Variants in DGKG observed in about 807,000 individuals in gnomAD.
The protein encoded by DGKG is DAG kinase gamma.
In DGKG, 78 loss-of-function variants were observed where a neutral mutation model predicts 105.3. That is an observed-to-expected ratio of 0.74 (90% confidence interval 0.62 to 0.89). The LOEUF (loss-of-function observed/expected upper bound fraction) is 0.89, where lower values mean the gene tolerates loss of function less well. Among genes scored for constraint, DGKG ranks in the 40% least tolerant of loss-of-function variants. The pLI, the probability that DGKG is intolerant of heterozygous loss-of-function variation, is 0.00. For missense variants in DGKG, 958 were observed against 1,020.1 expected (o/e 0.94, Z 0.83); for synonymous variants, 346 against 367.1 (o/e 0.94, Z 0.66).
At chr3:186,177,189 C>T (rs1717124188) in intron 22 of DGKG, among the ~76,000 whole-genome samples, 1 of 152,200 alleles carries the variant, frequency 6.6e-6, no homozygotes, top group African/African-American at 2.4e-5. Context: ...CTGCACATGA[C>T]TCTCAGATCC....
At chr3:186,308,221 T>C (rs1724349430) in intron 2 of DGKG, among the ~76,000 whole-genome samples, 1 of 152,218 alleles carries the variant, frequency 6.6e-6, no homozygotes, top group South Asian at 2.1e-4. Context: ...CAAGACTGGC[T>C]GCTTCTTTTT....
chr3:186,172,650 G>A (rs919540482), intron 22 of DGKG, among the ~76,000 whole-genome samples: 7 of 152,224 alleles, frequency 4.6e-5, no homozygotes, highest in Non-Finnish European at 1.0e-4. Flanking sequence ...GGAGGGGTAT[G>A]CATCTGATTC....
At position 186,345,192 on chromosome 3, in the gene DGKG, T is replaced by C. The variant is rs1265196277; in HGVS notation, c.-249+16754A>G. Among the ~76,000 whole-genome samples the C allele has an allele frequency of 4.6e-5, 7 of 152,224 alleles. No homozygotes were observed. In the South Asian group the frequency reaches 1.0e-3, roughly 23 times the overall value. ...ATTTGTCATGAATTGCATTGTCTTA[T>C]ATCAATAAAATGACTTCTGCTTTAG... On this transcript the variant is annotated intron_variant, in intron 1 of 24. Transcript: ENST00000265022.
intron 22 of DGKG, among the ~76,000 whole-genome samples, chr3:186,175,821 G>T (rs549644411): frequency 6.6e-6 from 1 of 152,318 alleles, no homozygotes; most frequent in Admixed American, 6.5e-5. Flanking sequence ...CAGAATGGGA[G>T]AAAAATGTTG....
At chr3:186,229,394 G>A (rs754731886) in intron 20 of DGKG, among the ~76,000 whole-genome samples, 2 of 151,978 alleles carry the variant, frequency 1.3e-5, no homozygotes, top group African/African-American at 4.8e-5. Context: ...GTGCCCACCC[G>A]CCACCATGCC....
intron 3 of DGKG, among the ~76,000 whole-genome samples, chr3:186,300,492 T>C (rs1027174438): frequency 1.3e-5 from 2 of 152,208 alleles, no homozygotes; most frequent in African/African-American, 4.8e-5. Flanking sequence ...AAACTCTCTA[T>C]TTTCCATGGA....
At position 186,267,768 on chromosome 3, in the gene DGKG, T is replaced by C; in HGVS notation, c.1126A>G (p.Lys376Glu). 6.2e-7 allele frequency: 1 copy of C among 1,613,890 alleles called. No homozygotes were observed. The highest frequency in any genetic ancestry group is 8.5e-7 in the Non-Finnish European group (1 of 1,179,854). The change falls in exon 13 of 25, where the codon AAA becomes GAA. Residue 376 changes from lysine (K) to glutamate (E), a missense_variant. Around this residue, in one of 2 missense-constraint regions of DGKG, gnomAD observed 643 missense variants for 619.5 expected, o/e 1.04. Coordinates refer to ENST00000265022, the MANE Select transcript of DGKG (RefSeq NM_001346.3). ...TCACACAACGTTGATAATTCACATT[T>C]GCGGTGAAACTGGGGGGAGAAATGA... ...CVWCRMTFHR[K>E]CELSTLCDGG...
intron 1 of DGKG, among the ~76,000 whole-genome samples, chr3:186,332,624 G>A (rs1356026536): frequency 6.6e-6 from 1 of 152,184 alleles, no homozygotes; most frequent in Non-Finnish European, 1.5e-5. Context: ...ATATAACTGT[G>A]TGACATTAGC....
intron 6 of DGKG, among the ~76,000 whole-genome samples, 195 bp downstream of exon 6, chr3:186,288,515 T>G (rs1723170912): frequency 6.6e-6 from 1 of 152,222 alleles, no homozygotes; most frequent in African/African-American, 2.4e-5. Context: ...GATACACAAC[T>G]GGCAATATGT....
At chr3:186,340,997 G>A (rs1316700371) in intron 1 of DGKG, among the ~76,000 whole-genome samples, 3 of 152,092 alleles carry the variant, frequency 2.0e-5, no homozygotes, top group African/African-American at 4.8e-5. Context: ...TGAGACTACC[G>A]AAAACCACAA....
chr3:186,250,380 C>T (rs1240885332), intron 19 of DGKG, among the ~76,000 whole-genome samples: 2 of 151,990 alleles, frequency 1.3e-5, no homozygotes, highest in Non-Finnish European at 2.9e-5. Flanking sequence ...GGATGCCGGG[C>T]TTAGTACCTA....
Position 186,148,240 on chromosome 3 carries a change from T to C in DGKG, c.*1850A>G. On this transcript the variant is annotated 3_prime_UTR_variant, in exon 25 of 25. Coordinates refer to ENST00000265022, the MANE Select transcript of DGKG (RefSeq NM_001346.3). ...ACTGAGCTCTGCTGAGACCCCTCTG[T>C]CCTGGCTGGCAGTATCTTGCAGAAG... 1.0e-6 allele frequency: 1 copy of C among 985,494 alleles called. No individual in the cohort carries two copies. Among genetic ancestry groups the C allele is most frequent in the Non-Finnish European group, 1.2e-6 (1 of 829,972 alleles). The allele number at this position is 985,494 out of a possible 1,614,324, so 61.0% of individuals were successfully genotyped here.
chr3:186,301,375 C>A (rs1349894455), intron 3 of DGKG, among the ~76,000 whole-genome samples: 1 of 152,212 alleles, frequency 6.6e-6, no homozygotes, highest in African/African-American at 2.4e-5. Flanking sequence ...CACCTGTAAT[C>A]CCAGCTCTTT....
At chr3:186,320,168 T>C (rs1359954238) in intron 2 of DGKG, among the ~76,000 whole-genome samples, 4 of 152,242 alleles carry the variant, frequency 2.6e-5, no homozygotes, top group Admixed American at 2.0e-4. Flanking sequence ...TTTTTTTCTA[T>C]GTATATTGCA....
intron 2 of DGKG, among the ~76,000 whole-genome samples, chr3:186,318,088 G>T (rs1484114958): frequency 6.6e-6 from 1 of 152,180 alleles, no homozygotes; most frequent in Non-Finnish European, 1.5e-5. Context: ...CTTTGGCTCA[G>T]ACTAGGTTTC....
At chr3:186,265,403 A>C in intron 13 of DGKG, 97 bp from the exon 14 acceptor site, 1 of 1,123,672 alleles carries the variant, frequency 8.9e-7, no homozygotes, top group Non-Finnish European at 1.3e-6. Flanking sequence ...ATAAAGAAAG[A>C]GATCAGAAAG....
Position 186,361,541 on chromosome 3 carries a change from G to A in DGKG, c.-249+405C>T, listed in dbSNP as rs1401052230. 6.6e-6 allele frequency among the ~76,000 whole-genome samples: 1 copy of A among 152,210 alleles called. No homozygotes were observed. Among genetic ancestry groups the A allele is most frequent in the South Asian group, 2.1e-4 (1 of 4,826 alleles). On this transcript the variant is annotated intron_variant, in intron 1 of 24. Coordinates refer to ENST00000265022, the MANE Select transcript of DGKG (RefSeq NM_001346.3). This position sits in a 1 kb window ranked among gnomAD's most constrained non-coding sequence, Gnocchi z 6.8. ...CGGAGGCTTTGGCGGCCAGACATTAGGAAAAGCATCTCCTGCTTCTCGGAC... is the reference window on the plus strand; with the variant it reads ...CGGAGGCTTTGGCGGCCAGACATTAAGAAAAGCATCTCCTGCTTCTCGGAC...
At chr3:186,315,815 C>T (rs1724791414) in intron 2 of DGKG, among the ~76,000 whole-genome samples, 1 of 152,230 alleles carries the variant, frequency 6.6e-6, no homozygotes, top group Non-Finnish European at 1.5e-5. Flanking sequence ...TCCCTCCTCC[C>T]TGAAATGTGG....
intron 24 of DGKG, among the ~76,000 whole-genome samples, chr3:186,156,735 A>T (rs1258041901): frequency 2.0e-5 from 3 of 150,578 alleles, no homozygotes; most frequent in Admixed American, 6.6e-5. Context: ...TTAGTATTTT[A>T]TGTCTTTTAT....
Sources: allele counts gnomAD v4.1 joint callset (sites outside exome capture counted in the v4.1 genomes callset), GRCh38; gene constraint gnomAD v4.1.1; regional missense constraint gnomAD v4.1.1; non-coding constraint Gnocchi (gnomAD v3.1); transcripts MANE v1.5; gene names NCBI Gene and HGNC (gene_info 2026-07-23, HGNC 2026-07-21).